Variants in SUOX observed in about 807,000 individuals in gnomAD.
SUOX encodes sulfite oxidase, mitochondrial.
Under a neutral mutation model 41.9 loss-of-function variants are expected in SUOX, and 39 were observed. The observed-to-expected ratio is 0.93, with a 90% CI of 0.72 to 1.21. The LOEUF is 1.21. SUOX is among the 50% of genes most tolerant of loss of function. SUOX has a pLI of 0.00. For missense variants in SUOX, 633 were observed against 689.5 expected (o/e 0.92, Z 0.92); for synonymous variants, 220 against 268.4 (o/e 0.82, Z 1.76).
intron 2 of SUOX, among the ~76,000 whole-genome samples, chr12:55,998,882 T>A (rs1302765515): frequency 6.6e-6 from 1 of 151,638 alleles, no homozygotes; most frequent in Non-Finnish European, 1.5e-5. Context: ...CATTGCAGTC[T>A]CGACCTCCTG....
At position 56,002,030 on chromosome 12, in the gene SUOX, C is replaced by A; in HGVS notation, c.-10-182C>A. The A allele has an allele frequency of 9.5e-6, 14 of 1,476,444 alleles. 1 individual carries two copies. In the South Asian group the frequency reaches 1.7e-4, roughly 18 times the overall value. The allele number at this position is 1,476,444 out of a possible 1,614,324, so 91.5% of individuals were successfully genotyped here. On this transcript the variant is annotated intron_variant, in intron 2 of 4. Transcript: ENST00000266971. ...CTGCCATCCTGTCAGCACAGTCTGT[C>A]TCTGAAGTGCTCCAAGTTTTCTCTA... is the stretch of plus-strand genomic sequence containing the variant.
Position 56,004,579 on chromosome 12 carries a change from G to A in SUOX, c.1190G>A (p.Arg397Gln), listed in dbSNP as rs980919172. Reference protein sequence around the residue: ...QPEESYSHWQRRDYKGFSPSV... With the variant: ...QPEESYSHWQQRDYKGFSPSV... ...GAGGAAAGTTACAGCCACTGGCAAC[G>A]GCGGGATTACAAAGGCTTCTCTCCA... is the stretch of plus-strand genomic sequence containing the variant. Residue 397 changes from arginine to glutamine, a missense_variant, in exon 5 of 5, where the codon CGG becomes CAG. Arg to Gln is a conservative substitution (Grantham distance 43). Coordinates refer to ENST00000266971, the MANE Select transcript of SUOX (RefSeq NM_001032386.2). This position sits in a 1 kb window ranked among gnomAD's most constrained non-coding sequence, Gnocchi z 4.5. 1.8e-5 allele frequency: 29 copies of A among 1,614,068 alleles called. No homozygotes were observed. The highest frequency in any genetic ancestry group is 2.7e-5 in the African/African-American group (2 of 74,914).
In SUOX at chr12:56,004,720, C is replaced by A. The variant is rs772063024; in HGVS notation, c.1331C>A (p.Thr444Asn). Residue 444 changes from threonine to asparagine, a missense_variant, in exon 5 of 5, where the codon ACC becomes AAC. Coordinates refer to ENST00000266971, the MANE Select transcript of SUOX (RefSeq NM_001032386.2). This position sits in a 1 kb window ranked among gnomAD's most constrained non-coding sequence, Gnocchi z 4.5. Reference protein sequence around the residue: ...DGETVESGEVTIKGYAWSGGG... With the variant: ...DGETVESGEVNIKGYAWSGGG... Reference sequence around the variant, plus strand: ...GAGACTGTAGAATCAGGGGAGGTGACCATCAAGGGCTATGCATGGAGTGGT... The same window carrying A: ...GAGACTGTAGAATCAGGGGAGGTGAACATCAAGGGCTATGCATGGAGTGGT... 1.2e-6 allele frequency: 2 copies of A among 1,614,130 alleles called. No individual in the cohort carries two copies. The highest frequency in any genetic ancestry group is 1.7e-6 in the Non-Finnish European group (2 of 1,180,032).
chr12:56,000,294 G>T (rs1472764279), intron 2 of SUOX, among the ~76,000 whole-genome samples: 1 of 152,252 alleles, frequency 6.6e-6, no homozygotes, highest in Non-Finnish European at 1.5e-5. Context: ...GCCCCGCGGG[G>T]AGGCAGCTAA....
At chr12:56,001,987 A>C in intron 2 of SUOX, 1 of 1,420,584 alleles carries the variant, frequency 7.0e-7, no homozygotes, top group South Asian at 1.4e-5. Flanking sequence ...CTCCTACCCC[A>C]TTCCCCACCC....
chr12:55,999,944 A>G (rs1890451194), intron 2 of SUOX, among the ~76,000 whole-genome samples: 1 of 152,094 alleles, frequency 6.6e-6, no homozygotes, highest in Non-Finnish European at 1.5e-5. Flanking sequence ...CCACCAGAGT[A>G]GCTAGATACA....
At position 56,004,018 on chromosome 12, in the gene SUOX, C is replaced by A; in HGVS notation, c.629C>A (p.Pro210His). ...CTGCTGACAGAAAACTACATCACAC[C>A]CAACCCTATCTTCTTCACCCGGAAC... The part of the protein sequence containing the change: ...PELLTENYIT[P>H]NPIFFTRNHL... Residue 210 changes from proline (P) to histidine (H), a missense_variant, in exon 5 of 5, where the codon CCC becomes CAC. Pro to His is a moderately conservative substitution (Grantham distance 77, BLOSUM62 -2). Transcript: ENST00000266971. This position sits in a 1 kb window ranked among gnomAD's most constrained non-coding sequence, Gnocchi z 4.5. 2 of 1,614,132 alleles carry A rather than the reference C, an allele frequency of 1.2e-6. No homozygotes were observed. Among genetic ancestry groups the A allele is most frequent in the Middle Eastern group, 1.6e-4 (1 of 6,062 alleles).
rs572066838 is a variant in SUOX, at chr12:56,004,088, C to T, written c.699C>T (p.His233=). 2.4e-5 allele frequency: 39 copies of T among 1,614,058 alleles called. No homozygotes were observed. In the Admixed American group the frequency reaches 5.0e-4, roughly 21 times the overall value. Residue 233 remains histidine, a synonymous_variant, in exon 5 of 5, where the codon CAC becomes CAT. Coordinates refer to ENST00000266971, the MANE Select transcript of SUOX (RefSeq NM_001032386.2). This position sits in a 1 kb window ranked among gnomAD's most constrained non-coding sequence, Gnocchi z 4.5. The part of the protein sequence containing the change: ...PNLDPDTYRL[H]VVGAPGGQSL... ...TGGATCCAGACACCTATCGCTTACA[C>T]GTAGTAGGAGCACCTGGGGGTCAGT...
Position 56,002,671 on chromosome 12 carries a change from C to T in SUOX, c.179C>T (p.Thr60Ile), listed in dbSNP as rs758579796. The T allele has an allele frequency of 2.7e-5, 44 of 1,613,922 alleles. No homozygotes were observed. In the South Asian group the frequency reaches 4.2e-4, roughly 15 times the overall value. ...ACCCAGGGATGGAGAGTCATGGGGA[C>T]CCTATTAGGTCTCGGTGCAGTGTTG... Reference protein sequence around the residue: ...SSTQGWRVMGTLLGLGAVLAY... With the variant: ...SSTQGWRVMGILLGLGAVLAY... Residue 60 changes from threonine to isoleucine, a missense_variant, in exon 4 of 5, where the codon ACC becomes ATC. Transcript: ENST00000266971.
In SUOX at chr12:56,005,105, A is replaced by G. The variant is rs1890698120; in HGVS notation, c.*78A>G. The G allele has an allele frequency of 3.3e-6, 5 of 1,534,088 alleles. No homozygotes were observed. The highest frequency in any genetic ancestry group is 4.5e-6 in the Non-Finnish European group (5 of 1,122,320). Reference sequence around the variant, plus strand: ...TCAGAAAAATCTTTCCCACCTTTCAACTTCTTGGATCACAACTCTGGCCTT... The same window carrying G: ...TCAGAAAAATCTTTCCCACCTTTCAGCTTCTTGGATCACAACTCTGGCCTT... On this transcript the variant is annotated 3_prime_UTR_variant, in exon 5 of 5. Transcript: ENST00000266971.
chr12:56,005,170 C>A lies in SUOX; in HGVS notation c.*143C>A. 1 of 909,228 alleles carries A rather than the reference C, an allele frequency of 1.1e-6. No homozygotes were observed. Among genetic ancestry groups the A allele is most frequent in the Non-Finnish European group, 1.7e-6 (1 of 578,842 alleles). 56.3% of individuals were successfully genotyped at this position (909,228 alleles called of 1,614,324 possible). Reference sequence around the variant, plus strand: ...AAGTACACATATAGCACATTTCACCCAAGGACCTTCCCTCTTTGGACACTA... The same window carrying A: ...AAGTACACATATAGCACATTTCACCAAAGGACCTTCCCTCTTTGGACACTA... On this transcript the variant is annotated 3_prime_UTR_variant, in exon 5 of 5. Transcript: ENST00000266971.
chr12:56,000,609 T>C (rs1290001072), intron 2 of SUOX, among the ~76,000 whole-genome samples: 2 of 152,136 alleles, frequency 1.3e-5, no homozygotes, highest in African/African-American at 2.4e-5. Flanking sequence ...AGCGGCGAGC[T>C]GAAGGGCTCC....
chr12:56,005,264 AGTG>A lies in SUOX; in HGVS notation c.*238_*240del. The stretch of plus-strand genomic sequence containing the variant: ...TGAGCTGTTACAGCAAGGGGCTAGA[AGTG>A]AAAAAAGTAATTCTGGAGACAAGCA... On this transcript the variant is annotated 3_prime_UTR_variant, in exon 5 of 5. Coordinates refer to ENST00000266971, the MANE Select transcript of SUOX (RefSeq NM_001032386.2). 1.7e-6 allele frequency: 1 copy of A among 601,348 alleles called. No individual in the cohort carries two copies. The highest frequency in any genetic ancestry group is 3.0e-6 in the Non-Finnish European group (1 of 337,864). 37.3% of individuals were successfully genotyped at this position (601,348 alleles called of 1,614,324 possible).
At chr12:56,002,853 G>A (rs1210505616) in intron 4 of SUOX, 133 bp downstream of exon 4, 5 of 966,614 alleles carry the variant, frequency 5.2e-6, no homozygotes, top group Non-Finnish European at 7.9e-6. Context: ...TGGGCAACAT[G>A]GCAAAACCCC....
At chr12:56,002,422 G>A in intron 3 of SUOX, 121 bp from the exon 4 acceptor site, 1 of 1,519,178 alleles carries the variant, frequency 6.6e-7, no homozygotes, top group South Asian at 1.1e-5. Context: ...ACCTATCCCT[G>A]GAGAAACTAA....
In SUOX at chr12:56,004,223, A is replaced by G; in HGVS notation, c.834A>G (p.Val278=). 6.2e-7 allele frequency: 1 copy of G among 1,614,112 alleles called. No homozygotes were observed. The highest frequency in any genetic ancestry group is 1.1e-5 in the South Asian group (1 of 91,088). The change falls in exon 5 of 5, where the codon GTA becomes GTG. Residue 278 remains valine (V), a synonymous_variant. Transcript: ENST00000266971. This position sits in a 1 kb window ranked among gnomAD's most constrained non-coding sequence, Gnocchi z 4.5. ...RRSEMTQVKE[V]KGLEWRTGAI... Reference sequence around the variant, plus strand: ...CTGAGATGACTCAGGTCAAAGAAGTAAAAGGTCTGGAGTGGAGAACAGGAG... The same window carrying G: ...CTGAGATGACTCAGGTCAAAGAAGTGAAAGGTCTGGAGTGGAGAACAGGAG...
chr12:56,005,103 C>G lies in SUOX; in HGVS notation c.*76C>G. On this transcript the variant is annotated 3_prime_UTR_variant, in exon 5 of 5. Transcript: ENST00000266971. ...CTTCAGAAAAATCTTTCCCACCTTT[C>G]AACTTCTTGGATCACAACTCTGGCC... is the stretch of plus-strand genomic sequence containing the variant. 1.3e-6 allele frequency: 2 copies of G among 1,542,656 alleles called. No homozygotes were observed. The highest frequency in any genetic ancestry group is 1.8e-6 in the Non-Finnish European group (2 of 1,129,636).
chr12:56,004,207 C>G lies in SUOX; in HGVS notation c.818C>G (p.Thr273Ser). ...QCAGNRRSEM[T>S]QVKEVKGLEW... is the part of the protein sequence containing the mutation. ...GCCGGCAACCGACGCTCTGAGATGA[C>G]TCAGGTCAAAGAAGTAAAAGGTCTG... The change falls in exon 5 of 5, where the codon ACT becomes AGT. Residue 273 changes from threonine to serine, a missense_variant. Coordinates refer to ENST00000266971, the MANE Select transcript of SUOX (RefSeq NM_001032386.2). The surrounding 1 kb of genome is among the most constrained non-coding windows in gnomAD (Gnocchi z 4.5). The G allele has an allele frequency of 6.2e-7, 1 of 1,614,132 alleles. No homozygotes were observed. Among genetic ancestry groups the G allele is most frequent in the Non-Finnish European group, 8.5e-7 (1 of 1,180,028 alleles).
At chr12:55,999,981 C>T (rs549124174) in intron 2 of SUOX, among the ~76,000 whole-genome samples, 1 of 152,080 alleles carries the variant, frequency 6.6e-6, no homozygotes, top group African/African-American at 2.4e-5. Context: ...ATTCACAAAC[C>T]CTGAGCTAGA....
Sources: allele counts gnomAD v4.1 joint callset (sites outside exome capture counted in the v4.1 genomes callset), GRCh38; gene constraint gnomAD v4.1.1; non-coding constraint Gnocchi (gnomAD v3.1); transcripts MANE v1.5; gene names NCBI Gene and HGNC (gene_info 2026-07-23, HGNC 2026-07-21).